Variants in LRRC4C observed in about 807,000 individuals in gnomAD.
LRRC4C encodes the protein leucine-rich repeat-containing protein 4C.
Under a neutral mutation model 33.6 loss-of-function variants are expected in LRRC4C, and 5 were observed. The observed-to-expected ratio is 0.15, with a 90% confidence interval of 0.08 to 0.31. LRRC4C has a LOEUF of 0.31. Among genes scored for constraint, LRRC4C ranks in the 10% least tolerant of loss-of-function variants. LRRC4C has a pLI of 1.00. For missense variants in LRRC4C, 560 were observed against 796.7 expected (o/e 0.70, Z 3.58); for synonymous variants, 329 against 302.0 (o/e 1.09, Z -0.93).
chr11:40,933,833 A>G (rs1467935388), intron 1 of LRRC4C, 110 bp from the exon 2 acceptor site: 1 of 152,232 alleles, frequency 6.6e-6, no homozygotes, highest in Non-Finnish European at 1.5e-5. Context: ...ACCTACAGGG[A>G]ATAATTTATA....
intron 1 of LRRC4C, among the ~76,000 whole-genome samples, chr11:41,389,646 A>AAAAAAAAAAAAAAAAAAT (rs1953508190): frequency 6.6e-6 from 1 of 150,670 alleles, no homozygotes; most frequent in Non-Finnish European, 1.5e-5. Context: ...CAGCAAAAAA[A>AAAAAAAAAAAAAAAAAAT]AAAAAAATCA....
intron 1 of LRRC4C, among the ~76,000 whole-genome samples, chr11:41,080,777 G>T (rs1342476470): frequency 6.6e-6 from 1 of 152,180 alleles, no homozygotes; most frequent in Non-Finnish European, 1.5e-5. Context: ...TTGGATTGGA[G>T]AAATTACTTT....
At chr11:40,982,953 T>C (rs1565268799) in intron 1 of LRRC4C, among the ~76,000 whole-genome samples, 1 of 152,164 alleles carries the variant, frequency 6.6e-6, no homozygotes. Context: ...GTTAGTTTGC[T>C]AAGGATAATG....
At position 40,959,881 on chromosome 11, in the gene LRRC4C, T is replaced by C. The variant is rs149639689; in HGVS notation, c.-495-26158A>G. 6.7e-4 allele frequency among the ~76,000 whole-genome samples: 101 copies of C among 151,834 alleles called. 1 individual carries two copies. The East Asian group carries it at 0.017, about 26-fold the overall frequency. On this transcript the variant is annotated intron_variant, in intron 1 of 6. Transcript: ENST00000528697. ...CCACAGTGGTATTGTATTATCAACA[T>C]TTGAGGCTACATTTTAGGATTTAGA...
At chr11:40,487,327 G>A (rs1953914860) in intron 3 of LRRC4C, among the ~76,000 whole-genome samples, 1 of 152,012 alleles carries the variant, frequency 6.6e-6, no homozygotes, top group Non-Finnish European at 1.5e-5. Flanking sequence ...AGACTCTTGT[G>A]GTTATACAAG....
intron 5 of LRRC4C, among the ~76,000 whole-genome samples, chr11:40,215,323 CAA>C (rs1177753573): frequency 6.6e-6 from 1 of 152,144 alleles, no homozygotes. Context: ...AGGCAAAGTG[CAA>C]AGTTTCCTGA....
chr11:41,045,041 C>G (rs1028163112), intron 1 of LRRC4C, among the ~76,000 whole-genome samples: 2 of 152,072 alleles, frequency 1.3e-5, no homozygotes, highest in African/African-American at 4.8e-5. Context: ...TTATCCATTT[C>G]AATGAGCATT....
At chr11:40,634,891 G>A (rs903161403) in intron 3 of LRRC4C, among the ~76,000 whole-genome samples, 3 of 150,448 alleles carry the variant, frequency 2.0e-5, no homozygotes, top group African/African-American at 7.3e-5. Flanking sequence ...CACTGTCTGT[G>A]AAAAAAGAAA....
At chr11:40,759,488 G>A (rs1949097939) in intron 2 of LRRC4C, among the ~76,000 whole-genome samples, 1 of 151,764 alleles carries the variant, frequency 6.6e-6, no homozygotes, top group Non-Finnish European at 1.5e-5. Flanking sequence ...TAAGTACATG[G>A]GAGATATTCA....
chr11:40,564,455 C>CA (rs199667865), intron 3 of LRRC4C, among the ~76,000 whole-genome samples: 3,691 of 152,210 alleles, frequency 0.024, 63 homozygotes, highest in South Asian at 0.034. Flanking sequence ...AAGGAGCACC[C>CA]AAATTACCAA....
intron 2 of LRRC4C, among the ~76,000 whole-genome samples, chr11:40,674,549 T>A (rs147237698): frequency 6.6e-6 from 1 of 152,232 alleles, no homozygotes; most frequent in Non-Finnish European, 1.5e-5. Flanking sequence ...CATCAGTTTG[T>A]ATCAGATGAG....
chr11:40,607,681 G>A (rs757941968), intron 3 of LRRC4C, among the ~76,000 whole-genome samples: 10 of 152,134 alleles, frequency 6.6e-5, no homozygotes, highest in South Asian at 6.2e-4. Context: ...CCAAGCCCAC[G>A]TGTGATCCAA....
chr11:41,290,496 T>C (rs1340580386), intron 1 of LRRC4C, among the ~76,000 whole-genome samples: 2 of 152,172 alleles, frequency 1.3e-5, no homozygotes, highest in African/African-American at 2.4e-5. Context: ...CTGCATAGCA[T>C]TGACAATCGT....
intron 3 of LRRC4C, among the ~76,000 whole-genome samples, chr11:40,471,828 C>T (rs934045286): frequency 2.6e-5 from 4 of 152,186 alleles, no homozygotes; most frequent in Non-Finnish European, 5.9e-5. Flanking sequence ...CAGACATCTA[C>T]AGAACTCTCC....
chr11:41,322,797 A>G (rs1215711404), intron 1 of LRRC4C, among the ~76,000 whole-genome samples: 1 of 152,180 alleles, frequency 6.6e-6, no homozygotes, highest in African/African-American at 2.4e-5. Flanking sequence ...AAGGTTCAGG[A>G]GGCACCATGT....
rs1948106611 is a variant in LRRC4C, at chr11:40,740,556, T to G, written c.-406-92278A>C. Among the ~76,000 whole-genome samples the G allele has an allele frequency of 6.6e-5, 10 of 152,100 alleles. No individual in the cohort carries two copies. The South Asian group carries it at 2.1e-3, about 31-fold the overall frequency. On this transcript the variant is annotated intron_variant, in intron 2 of 6. Transcript: ENST00000528697. ...TTTTAGATATTATCACCTCATCAATTGTATAGTTTGCATATATTTTCCCCC... is the reference window on the plus strand; with the variant it reads ...TTTTAGATATTATCACCTCATCAATGGTATAGTTTGCATATATTTTCCCCC...
At chr11:41,298,495 T>C (rs999333279) in intron 1 of LRRC4C, among the ~76,000 whole-genome samples, 6 of 152,018 alleles carry the variant, frequency 3.9e-5, no homozygotes, top group African/African-American at 1.2e-4. Flanking sequence ...AGAAACAGAA[T>C]GGATATGGGC....
intron 3 of LRRC4C, among the ~76,000 whole-genome samples, chr11:40,536,028 A>G (rs531112980): frequency 1.3e-5 from 2 of 152,180 alleles, no homozygotes; most frequent in South Asian, 4.1e-4. Flanking sequence ...TGTAAGGCCC[A>G]TTATTATATG....
intron 1 of LRRC4C, among the ~76,000 whole-genome samples, chr11:41,410,524 T>G (rs1954430168): frequency 6.6e-6 from 1 of 151,140 alleles, no homozygotes; most frequent in African/African-American, 2.4e-5. Flanking sequence ...CACTGCAAGC[T>G]CCACCTTCTG....
Sources: allele counts gnomAD v4.1 joint callset (sites outside exome capture counted in the v4.1 genomes callset), GRCh38; gene constraint gnomAD v4.1.1; transcripts MANE v1.5; gene names NCBI Gene and HGNC (gene_info 2026-07-23, HGNC 2026-07-21).